SH3PXD2A: variants seen among roughly 807,000 people sequenced by gnomAD.
SH3PXD2A encodes SH3 and PX domains 2A, also known as SH3 and PX domain-containing protein 2A.
A neutral mutation model predicts 115.2 loss-of-function variants in SH3PXD2A; 32 were observed. The observed-to-expected ratio is 0.28, with a 90% CI of 0.21 to 0.37. SH3PXD2A has a LOEUF of 0.37. Among genes scored for constraint, SH3PXD2A ranks in the 10% least tolerant of loss-of-function variants. The pLI, the probability that SH3PXD2A is intolerant of heterozygous loss-of-function variation, is 1.00. For synonymous variants in SH3PXD2A, 610 were observed against 629.1 expected (o/e 0.97, Z 0.45); for missense variants, 1,328 against 1,498.7 (o/e 0.89, Z 1.88).
intron 7 of SH3PXD2A, among the ~76,000 whole-genome samples, chr10:103,667,865 C>A (rs1034085640): frequency 6.6e-6 from 1 of 152,206 alleles, no homozygotes; most frequent in African/African-American, 2.4e-5. Flanking sequence ...AGCTGAGAAC[C>A]CTGCTGTCCG....
intron 3 of SH3PXD2A, among the ~76,000 whole-genome samples, chr10:103,744,396 G>A (rs1007021393): frequency 6.6e-6 from 1 of 151,718 alleles, no homozygotes; most frequent in African/African-American, 2.4e-5. Flanking sequence ...CAGGTGATCC[G>A]CCCGCCTCAG....
intron 6 of SH3PXD2A, among the ~76,000 whole-genome samples, chr10:103,679,714 G>T (rs986805270): frequency 6.6e-6 from 1 of 152,238 alleles, no homozygotes; most frequent in Non-Finnish European, 1.5e-5. Flanking sequence ...TATTTGCAAG[G>T]TCCCCCTGGG....
intron 1 of SH3PXD2A, among the ~76,000 whole-genome samples, chr10:103,845,349 A>AAAAAAAG (rs1564903017): frequency 1.3e-5 from 1 of 76,416 alleles, no homozygotes; most frequent in Admixed American, 1.4e-4. Context: ...AAAAAAAGAA[A>AAAAAAAG]AAAGAAAAAG....
At chr10:103,658,719 C>T (rs558713374) in intron 8 of SH3PXD2A, among the ~76,000 whole-genome samples, 1 of 152,340 alleles carries the variant, frequency 6.6e-6, no homozygotes, top group East Asian at 1.9e-4. Flanking sequence ...ACGAAACTCC[C>T]AGAAGTAGAA....
chr10:103,737,504 G>C (rs1455558706), intron 3 of SH3PXD2A, among the ~76,000 whole-genome samples: 5 of 152,190 alleles, frequency 3.3e-5, no homozygotes, highest in African/African-American at 1.2e-4. Context: ...TATCATTAGG[G>C]GAGTGGGACA....
chr10:103,640,379 G>A (rs2036936392), intron 8 of SH3PXD2A, among the ~76,000 whole-genome samples: 3 of 151,948 alleles, frequency 2.0e-5, no homozygotes, highest in African/African-American at 7.3e-5. Flanking sequence ...GGCACAGGGA[G>A]GAGGGGTCTC....
At chr10:103,604,430 T>C (rs2036269574) in intron 14 of SH3PXD2A, among the ~76,000 whole-genome samples, 1 of 152,224 alleles carries the variant, frequency 6.6e-6, no homozygotes, top group Non-Finnish European at 1.5e-5. Flanking sequence ...GTCATTTCCA[T>C]GTTAGTATAA....
intron 1 of SH3PXD2A, among the ~76,000 whole-genome samples, chr10:103,838,996 CAACATACATACAGA>C (rs1297230890): frequency 6.6e-6 from 1 of 152,148 alleles, no homozygotes; most frequent in Non-Finnish European, 1.5e-5. Flanking sequence ...TCCAGAACAT[CAACATACATACAGA>C]CCTAGAAGAA....
intron 1 of SH3PXD2A, among the ~76,000 whole-genome samples, chr10:103,816,056 A>C (rs1386248646): frequency 6.6e-6 from 1 of 152,150 alleles, no homozygotes; most frequent in Non-Finnish European, 1.5e-5. Context: ...TGTAGAGTGA[A>C]TATGTCTGGA....
chr10:103,797,390 G>A lies in SH3PXD2A; in HGVS notation c.153+3892C>T, dbSNP rs76760035. On this transcript the variant is annotated intron_variant, in intron 2 of 14. Coordinates refer to ENST00000369774, the MANE Select transcript of SH3PXD2A (RefSeq NM_001394015.1). Reference sequence around the variant, plus strand: ...TGGAATGAGCAGTTACCAGGTGATCGGTGGCGGGGGGAGGTTCTCTCCATC... The same window carrying A: ...TGGAATGAGCAGTTACCAGGTGATCAGTGGCGGGGGGAGGTTCTCTCCATC... Among the ~76,000 whole-genome samples, 13 of 152,186 alleles carry A rather than the reference G, an allele frequency of 8.5e-5. No individual in the cohort carries two copies. The East Asian group carries it at 2.3e-3, about 27-fold the overall frequency.
Position 103,603,454 on chromosome 10 carries a change from C to A in SH3PXD2A, c.1764G>T (p.Gln588His). ...AAGAGGCCGGCGAGGGCCGGTGGGG[C>A]TGGGCAGGCCGCCTCTCCCCTGAGG... ...DRASGERRPAQPHRPSPASSL... is the reference protein window; with the variant it reads ...DRASGERRPAHPHRPSPASSL... The change falls in exon 15 of 15, where the codon CAG (glutamine) becomes CAT (histidine). Residue 588 changes from glutamine to histidine, a missense_variant. By Grantham distance (24) the Gln-to-His change is conservative. Coordinates refer to ENST00000369774, the MANE Select transcript of SH3PXD2A (RefSeq NM_001394015.1). 6.2e-7 allele frequency: 1 copy of A among 1,612,268 alleles called. No homozygotes were observed. Among genetic ancestry groups the A allele is most frequent in the South Asian group, 1.1e-5 (1 of 90,844 alleles).
At chr10:103,707,892 C>G (rs1340085469) in intron 5 of SH3PXD2A, among the ~76,000 whole-genome samples, 1 of 152,126 alleles carries the variant, frequency 6.6e-6, no homozygotes, top group African/African-American at 2.4e-5. Context: ...AATCTCCAAG[C>G]CTGCACTCAA....
In SH3PXD2A at chr10:103,627,315, A is replaced by G. The variant is rs1460020750; in HGVS notation, c.605-113T>C. ...GGCACAAGAAGCGGAGCATGGAGCC[A>G]GATGGCCTGGGGACCCAGCAAATGC... On this transcript the variant is annotated intron_variant, in intron 8 of 14. Transcript: ENST00000369774. This position sits in a 1 kb window ranked among gnomAD's most constrained non-coding sequence, Gnocchi z 4.4. 1.0e-5 allele frequency: 7 copies of G among 671,438 alleles called. No individual in the cohort carries two copies. The highest frequency in any genetic ancestry group is 1.9e-5 in the Non-Finnish European group (7 of 377,578). The allele number at this position is 671,438 out of a possible 1,614,324, so 41.6% of individuals were successfully genotyped here.
chr10:103,705,286 G>C (rs989567650), intron 5 of SH3PXD2A, among the ~76,000 whole-genome samples: 2 of 152,164 alleles, frequency 1.3e-5, no homozygotes, highest in Non-Finnish European at 1.5e-5. Context: ...GTGGCAAACA[G>C]GGGGAGGGAA....
At chr10:103,661,994 C>A (rs2037313806) in intron 7 of SH3PXD2A, 1 of 981,504 alleles carries the variant, frequency 1.0e-6, no homozygotes, top group Admixed American at 6.2e-5. Context: ...CGGGTACAGT[C>A]GGACCAGCCT....
Position 103,855,282 on chromosome 10 carries a change from G to C in SH3PXD2A, c.-16C>G. On this transcript the variant is annotated 5_prime_UTR_variant, in exon 1 of 15. Transcript: ENST00000369774. The stretch of plus-strand genomic sequence containing the variant: ...AGGCGAGCATCTTCCCCCACAAAGC[G>C]AGTGGCGCCCCCGGCGGCGTCACCT... The C allele has an allele frequency of 6.7e-7, 1 of 1,503,432 alleles. No individual in the cohort carries two copies. Among genetic ancestry groups the C allele is most frequent in the Non-Finnish European group, 8.9e-7 (1 of 1,123,160 alleles). 93.1% of individuals were successfully genotyped at this position (1,503,432 alleles called of 1,614,324 possible).
chr10:103,795,938 G>T (rs1454545225), intron 2 of SH3PXD2A, among the ~76,000 whole-genome samples: 1 of 148,672 alleles, frequency 6.7e-6, no homozygotes, highest in Admixed American at 6.8e-5. Flanking sequence ...AAGGCAGGAA[G>T]GAAGGAAGGA....
intron 4 of SH3PXD2A, among the ~76,000 whole-genome samples, chr10:103,731,028 G>A (rs1268337163): frequency 1.3e-5 from 2 of 152,140 alleles, no homozygotes; most frequent in Non-Finnish European, 2.9e-5. Context: ...CTGCCGGACT[G>A]GACTGCAGGA....
At chr10:103,803,639 A>G (rs1398190611) in intron 1 of SH3PXD2A, among the ~76,000 whole-genome samples, 1 of 152,224 alleles carries the variant, frequency 6.6e-6, no homozygotes, top group Non-Finnish European at 1.5e-5. Flanking sequence ...TCTAATACCT[A>G]TGCTCTTAAC....
Sources: allele counts gnomAD v4.1 joint callset (sites outside exome capture counted in the v4.1 genomes callset), GRCh38; gene constraint gnomAD v4.1.1; non-coding constraint Gnocchi (gnomAD v3.1); transcripts MANE v1.5; gene names NCBI Gene and HGNC (gene_info 2026-07-23, HGNC 2026-07-21).